TBC1D9: variants seen among roughly 807,000 people sequenced by gnomAD.
The protein encoded by TBC1D9 is TBC1 domain family member 9, also known as TBC1 domain family member 9A.
In TBC1D9, 63 loss-of-function variants were observed where a neutral mutation model predicts 132.0. That is an observed-to-expected ratio of 0.48 (90% confidence interval 0.39 to 0.59). The LOEUF (loss-of-function observed/expected upper bound fraction) is 0.59. Ranked by LOEUF, TBC1D9 falls within the 20% of genes least tolerant of loss-of-function variation. TBC1D9 has a pLI of 0.00. For synonymous variants in TBC1D9, 610 were observed against 609.9 expected, an observed-to-expected ratio of 1.00 and a Z score of 0.00; for missense variants, 1,261 against 1,592.7, an observed-to-expected ratio of 0.79 and a Z score of 3.54.
chr4:140,730,838 A>G (rs1738579031), intron 1 of TBC1D9, among the ~76,000 whole-genome samples: 1 of 152,258 alleles, frequency 6.6e-6, no homozygotes, highest in African/African-American at 2.4e-5. Flanking sequence ...GGGAGCAAGT[A>G]TGAGGCACGA....
chr4:140,733,936 G>A (rs559656734), intron 1 of TBC1D9, among the ~76,000 whole-genome samples: 34 of 150,960 alleles, frequency 2.3e-4, no homozygotes, highest in Admixed American at 7.3e-4. Context: ...TCTCTCCTCC[G>A]CTCTTCCTCC....
chr4:140,622,605 C>G lies in TBC1D9; in HGVS notation c.3391G>C (p.Glu1131Gln). 6.2e-7 allele frequency: 1 copy of G among 1,613,840 alleles called. No individual in the cohort carries two copies. Among genetic ancestry groups the G allele is most frequent in the Non-Finnish European group, 8.5e-7 (1 of 1,179,814 alleles). The change falls in exon 21 of 21, where the codon GAG (glutamate) becomes CAG (glutamine). Residue 1131 changes from glutamate (E) to glutamine (Q), a missense_variant. Physicochemically the swap from Glu to Gln is conservative, Grantham distance 29. Transcript: ENST00000442267. Reference protein sequence around the residue: ...SEEHSLGGQMEDIKLEDSSPR... With the variant: ...SEEHSLGGQMQDIKLEDSSPR... ...GAGGAGTCCTCCAGCTTGATGTCCT[C>G]CATTTGTCCTCCAAGGGAGTGTTCC... is the stretch of plus-strand genomic sequence containing the variant.
chr4:140,738,850 G>A (rs1738715995), intron 1 of TBC1D9, among the ~76,000 whole-genome samples: 1 of 152,062 alleles, frequency 6.6e-6, no homozygotes, highest in South Asian at 2.1e-4. Flanking sequence ...AAACTTTTTT[G>A]AGAAAATCCA....
chr4:140,652,892 G>C (rs1410935162), intron 13 of TBC1D9, among the ~76,000 whole-genome samples: 1 of 152,156 alleles, frequency 6.6e-6, no homozygotes, highest in Non-Finnish European at 1.5e-5. Context: ...ACACTTTTCA[G>C]ACTAAACACA....
In TBC1D9 at chr4:140,622,872, C is replaced by T. The variant is rs1164844794; in HGVS notation, c.3124G>A (p.Glu1042Lys). Residue 1042 changes from glutamate (E) to lysine (K), a missense_variant, in exon 21 of 21, where the codon GAA becomes AAA. By Grantham distance (56) the Glu-to-Lys change is moderately conservative. Around this residue, in one of 3 missense-constraint regions of TBC1D9, gnomAD observed 618 missense variants for 724.4 expected, o/e 0.85. Transcript: ENST00000442267. Reference sequence around the variant, plus strand: ...TACAGCTCCTGCTCATTGGGGTCTTCGCTGAACATGTTATACATTGTCTTA... The same window carrying T: ...TACAGCTCCTGCTCATTGGGGTCTTTGCTGAACATGTTATACATTGTCTTA... ...LCKTMYNMFS[E>K]DPNEQELYHA... 3 of 1,585,582 alleles carry T rather than the reference C, an allele frequency of 1.9e-6. No individual in the cohort carries two copies. The highest frequency in any genetic ancestry group is 1.1e-5 in the South Asian group (1 of 87,714).
intron 2 of TBC1D9, among the ~76,000 whole-genome samples, chr4:140,697,494 T>C (rs893934792): frequency 1.3e-5 from 2 of 152,232 alleles, no homozygotes; most frequent in Admixed American, 1.3e-4. Flanking sequence ...GCTATCTCTA[T>C]GGGTAATCAA....
intron 2 of TBC1D9, among the ~76,000 whole-genome samples, chr4:140,693,867 A>G (rs1459128500): frequency 1.3e-5 from 2 of 152,204 alleles, no homozygotes; most frequent in Admixed American, 1.3e-4. Flanking sequence ...CTTATGGGTC[A>G]TAATAATATG....
chr4:140,739,390 T>A (rs1467244715), intron 1 of TBC1D9, among the ~76,000 whole-genome samples: 1 of 152,158 alleles, frequency 6.6e-6, no homozygotes, highest in Non-Finnish European at 1.5e-5. Flanking sequence ...AAAAATAATA[T>A]CCCATTTTAA....
At chr4:140,714,604 T>C (rs762243551) in intron 1 of TBC1D9, among the ~76,000 whole-genome samples, 24 of 152,144 alleles carry the variant, frequency 1.6e-4, no homozygotes, top group Non-Finnish European at 3.2e-4. Context: ...TTCAGACCTT[T>C]ACAAGGTGCT....
chr4:140,659,318 C>T (rs541555229), intron 11 of TBC1D9: 60 of 260,710 alleles, frequency 2.3e-4, no homozygotes, highest in African/African-American at 1.2e-3. Context: ...CCTGGTGTAG[C>T]TCTCACATGT....
chr4:140,642,791 C>G (rs1381025339), intron 13 of TBC1D9: 1 of 632,502 alleles, frequency 1.6e-6, no homozygotes, highest in Non-Finnish European at 2.8e-6. Flanking sequence ...GCTCAGCTTT[C>G]CGCTACTGTT....
At chr4:140,734,913 C>G (rs1578861475) in intron 1 of TBC1D9, among the ~76,000 whole-genome samples, 1 of 152,184 alleles carries the variant, frequency 6.6e-6, no homozygotes, top group Non-Finnish European at 1.5e-5. Flanking sequence ...CTCCCATTTT[C>G]AGATAAAAAG....
intron 18 of TBC1D9, among the ~76,000 whole-genome samples, chr4:140,625,012 A>G (rs1736682820): frequency 6.6e-6 from 1 of 152,090 alleles, no homozygotes; most frequent in Non-Finnish European, 1.5e-5. Flanking sequence ...AGATGGTGCC[A>G]TTGCACTCCA....
In TBC1D9 at chr4:140,661,755, G is replaced by A. The variant is rs147146606; in HGVS notation, c.1803+138C>T. On this transcript the variant is annotated intron_variant, in intron 10 of 20. Coordinates refer to ENST00000442267, the MANE Select transcript of TBC1D9 (RefSeq NM_015130.3). ...TACAACAAAGAGTTAACAGTCCAGA[G>A]TGTCAACAGTGCCAAGGTTGAGAGG... 41 of 691,986 alleles carry A rather than the reference G, an allele frequency of 5.9e-5. No individual in the cohort carries two copies. In the East Asian group the frequency reaches 9.5e-4, roughly 16 times the overall value. 42.9% of individuals were successfully genotyped at this position (691,986 alleles called of 1,614,324 possible).
intron 13 of TBC1D9, chr4:140,645,624 T>A (rs571433801): frequency 4.1e-6 from 1 of 242,312 alleles, no homozygotes; most frequent in South Asian, 5.0e-5. Context: ...ACACTCTTCC[T>A]TTGTTTAAAA....
intron 6 of TBC1D9, among the ~76,000 whole-genome samples, chr4:140,674,862 C>A (rs557014062): frequency 6.6e-6 from 1 of 151,788 alleles, no homozygotes; most frequent in South Asian, 2.1e-4. Flanking sequence ...CCATCCCCAG[C>A]TAATTTTTTT....
intron 13 of TBC1D9, chr4:140,641,976 C>T (rs913928722): frequency 3.9e-5 from 22 of 568,742 alleles, no homozygotes; most frequent in Non-Finnish European, 5.7e-5. Context: ...ATGAATCTTC[C>T]GAAGAGTCGC....
intron 4 of TBC1D9, 60 bp downstream of exon 4, chr4:140,679,555 G>C: frequency 1.6e-6 from 2 of 1,261,360 alleles, no homozygotes; most frequent in South Asian, 2.6e-5. Flanking sequence ...TGGTTTATGA[G>C]TTCAGGGCAA....
chr4:140,630,936 C>T (rs1736784638), intron 16 of TBC1D9, among the ~76,000 whole-genome samples: 3 of 152,150 alleles, frequency 2.0e-5, no homozygotes. Context: ...CTCTATCGTG[C>T]AAATAAGGAT....
Sources: allele counts gnomAD v4.1 joint callset (sites outside exome capture counted in the v4.1 genomes callset), GRCh38; gene constraint gnomAD v4.1.1; regional missense constraint gnomAD v4.1.1; transcripts MANE v1.5; gene names NCBI Gene and HGNC (gene_info 2026-07-23, HGNC 2026-07-21).